The following SPART variants were observed in gnomAD, a reference collection of about 807,000 sequenced individuals.
The protein encoded by SPART is spartin, also known as spastic paraplegia 20 (Troyer syndrome).
Under a neutral mutation model 58.7 loss-of-function variants are expected in SPART, and 35 were observed. The ratio of observed to expected loss-of-function variants is 0.60; its 90% CI spans 0.46 to 0.79. The LOEUF is 0.79. Ranked by LOEUF, SPART falls within the 30% of genes least tolerant of loss-of-function variation. The probability of loss-of-function intolerance (pLI) is 0.00; values close to 1 mark genes in which losing one functional copy is unlikely to be tolerated. For missense variants in SPART, 730 were observed against 786.1 expected, an observed-to-expected ratio of 0.93 and a Z score of 0.85; for synonymous variants, 284 against 280.7, an observed-to-expected ratio of 1.01 and a Z score of -0.12.
At chr13:36,368,825 C>G (rs1326660947) in intron 1 of SPART, among the ~76,000 whole-genome samples, 1 of 152,044 alleles carries the variant, frequency 6.6e-6, no homozygotes, top group Non-Finnish European at 1.5e-5. Context: ...ATGGTGAAAC[C>G]CCGTCTCTAC....
intron 1 of SPART, among the ~76,000 whole-genome samples, chr13:36,352,994 A>G (rs1350760049): frequency 6.6e-6 from 1 of 152,068 alleles, no homozygotes; most frequent in African/African-American, 2.4e-5. Flanking sequence ...GAAGAGAGGA[A>G]AAGCCAAGCA....
At chr13:36,313,389 A>C (rs1438350116) in intron 6 of SPART, among the ~76,000 whole-genome samples, 1 of 152,234 alleles carries the variant, frequency 6.6e-6, no homozygotes, top group Non-Finnish European at 1.5e-5. Flanking sequence ...ATAACATCAT[A>C]GTGCAATTAC....
intron 5 of SPART, among the ~76,000 whole-genome samples, chr13:36,325,491 A>G (rs1882842118): frequency 6.6e-6 from 1 of 152,182 alleles, no homozygotes; most frequent in South Asian, 2.1e-4. Context: ...AATGGATTTT[A>G]GTGGACATGG....
In SPART at chr13:36,331,501, T is replaced by C. The variant is rs546472131; in HGVS notation, c.906A>G (p.Ala302=). The stretch of plus-strand genomic sequence containing the variant: ...GGACGACCCCCACAAAGCATCCTGC[T>C]GCTTGTAGCATTGTATCAGGAAACA... ...AYMFPDTMLQ[A]AGCFVGVVLS... is the part of the protein sequence containing the mutation. The change falls in exon 3 of 9, where the codon GCA becomes GCG. Residue 302 remains alanine, a synonymous_variant. Coordinates refer to ENST00000438666, the MANE Select transcript of SPART (RefSeq NM_015087.5). 6.2e-7 allele frequency: 1 copy of C among 1,614,100 alleles called. No individual in the cohort carries two copies. Among genetic ancestry groups the C allele is most frequent in the South Asian group, 1.1e-5 (1 of 91,088 alleles).
intron 5 of SPART, among the ~76,000 whole-genome samples, chr13:36,319,354 A>C (rs1882111054): frequency 2.1e-5 from 3 of 142,994 alleles, no homozygotes; most frequent in African/African-American, 8.0e-5. Context: ...AGATACCTCT[A>C]CTCCCTTCTT....
intron 8 of SPART, among the ~76,000 whole-genome samples, chr13:36,305,282 C>A (rs1223863878): frequency 6.6e-6 from 1 of 152,112 alleles, no homozygotes; most frequent in Non-Finnish European, 1.5e-5. Flanking sequence ...ATTATCTAAC[C>A]TGTTTAAATT....
chr13:36,310,205 C>T (rs182790531), intron 8 of SPART, among the ~76,000 whole-genome samples: 1 of 152,224 alleles, frequency 6.6e-6, no homozygotes, highest in Admixed American at 6.5e-5. Flanking sequence ...AAAGTATGAA[C>T]TCAACTAAAT....
rs1056958534 is a variant in SPART, at chr13:36,312,416, C to G, written c.1545G>C (p.Lys515Asn). Residue 515 changes from lysine to asparagine, a missense_variant, in exon 7 of 9, where the codon AAG (lysine) becomes AAC (asparagine). Physicochemically the swap from Lys to Asn is moderately conservative, Grantham distance 94. Coordinates refer to ENST00000438666, the MANE Select transcript of SPART (RefSeq NM_015087.5). ...VGKELAPHVK[K>N]HGSKLVPESL... The stretch of plus-strand genomic sequence containing the variant: ...ATTCTGGAACAAGTTTGCTTCCATG[C>G]TTCTTGACATGTGGAGCTAGTTCTT... 7.4e-6 allele frequency: 12 copies of G among 1,613,986 alleles called. No individual in the cohort carries two copies. The highest frequency in any genetic ancestry group is 1.0e-5 in the Non-Finnish European group (12 of 1,180,032).
chr13:36,339,884 T>C (rs1006102386), intron 1 of SPART, among the ~76,000 whole-genome samples: 9 of 151,676 alleles, frequency 5.9e-5, no homozygotes, highest in African/African-American at 2.2e-4. Context: ...CTGGGCAACA[T>C]AGTGAGACCA....
chr13:36,316,356 G>A (rs1051963939), intron 5 of SPART, among the ~76,000 whole-genome samples: 12 of 152,214 alleles, frequency 7.9e-5, no homozygotes, highest in African/African-American at 1.2e-4. Context: ...CCAAGCCATC[G>A]CATCCCCTGT....
In SPART at chr13:36,325,351, T is replaced by A. The variant is rs117098645; in HGVS notation, c.1288+1224A>T. On this transcript the variant is annotated intron_variant, in intron 5 of 8. Transcript: ENST00000438666. ...AACTACATTTTAAAATTTGGCTCTA[T>A]CTTTTTTTCTTGTCTCAAGCATAGT... is the stretch of plus-strand genomic sequence containing the variant. Among the ~76,000 whole-genome samples the A allele has an allele frequency of 3.5e-3, 526 of 152,346 alleles. 4 individuals carry two copies. Among genetic ancestry groups the A allele is most frequent in the Non-Finnish European group, 6.6e-3 (446 of 68,026 alleles).
intron 1 of SPART, chr13:36,345,757 C>T (rs1885041083): frequency 6.6e-6 from 1 of 152,210 alleles, no homozygotes; most frequent in Non-Finnish European, 1.5e-5. Flanking sequence ...CCCAATATAA[C>T]CGCAGTTGTT....
chr13:36,325,178 T>C (rs1383441398), intron 5 of SPART, among the ~76,000 whole-genome samples: 1 of 152,262 alleles, frequency 6.6e-6, no homozygotes, highest in African/African-American at 2.4e-5. Flanking sequence ...ATTTAGTGTG[T>C]TGGGGTAACA....
chr13:36,323,686 C>T (rs1882643779), intron 5 of SPART, among the ~76,000 whole-genome samples: 1 of 152,110 alleles, frequency 6.6e-6, no homozygotes, highest in Non-Finnish European at 1.5e-5. Flanking sequence ...TTTCTGCCCC[C>T]CTTTGTTTTA....
chr13:36,369,178 C>A (rs1886180172), intron 1 of SPART, among the ~76,000 whole-genome samples: 1 of 152,036 alleles, frequency 6.6e-6, no homozygotes, highest in African/African-American at 2.4e-5. Context: ...CAGCAAGAGG[C>A]CATACAAAAT....
chr13:36,327,192 G>A (rs1336938815), intron 4 of SPART, among the ~76,000 whole-genome samples: 2 of 152,170 alleles, frequency 1.3e-5, no homozygotes, highest in African/African-American at 4.8e-5. Context: ...CATTTAAGAG[G>A]AAATGGAGAA....
chr13:36,312,389 A>C lies in SPART; in HGVS notation c.1572T>G (p.Ser524=). The C allele has an allele frequency of 1.2e-6, 2 of 1,614,170 alleles. No homozygotes were observed. The highest frequency in any genetic ancestry group is 1.7e-6 in the Non-Finnish European group (2 of 1,180,026). The change falls in exon 7 of 9, where the codon TCT becomes TCG. Residue 524 remains serine, a synonymous_variant. Transcript: ENST00000438666. ...ATTTCCCATCTTTGTCTTTTTTAAG[A>C]GATTCTGGAACAAGTTTGCTTCCAT... ...KKHGSKLVPE[S]LKKDKDGKSP...
At chr13:36,343,293 C>A (rs1207655540) in intron 1 of SPART, among the ~76,000 whole-genome samples, 1 of 151,870 alleles carries the variant, frequency 6.6e-6, no homozygotes, top group Non-Finnish European at 1.5e-5. Context: ...AGCTTTCAAG[C>A]ATAAAAATGC....
At chr13:36,322,403 C>T (rs576581144) in intron 5 of SPART, among the ~76,000 whole-genome samples, 1 of 152,054 alleles carries the variant, frequency 6.6e-6, no homozygotes, top group Non-Finnish European at 1.5e-5. Context: ...GCTGAGATAG[C>T]GTCACTGCAC....
Sources: gnomAD v4.1 joint callset for allele counts (sites outside exome capture counted in the v4.1 genomes callset) on GRCh38, gnomAD v4.1.1 for gene constraint, MANE v1.5 for transcripts, NCBI Gene and HGNC (gene_info 2026-07-23, HGNC 2026-07-21) for gene names.